Variants in TRIM10 observed in about 807,000 individuals in gnomAD.
TRIM10 encodes tripartite motif containing 10.
A neutral mutation model predicts 40.0 loss-of-function variants in TRIM10; 42 were observed. The observed-to-expected ratio is 1.05, with a 90% confidence interval of 0.82 to 1.36. The LOEUF (loss-of-function observed/expected upper bound fraction) is 1.36. Among genes scored for constraint, TRIM10 ranks in the 40% most tolerant of loss-of-function variants. The pLI is 0.00. For missense variants in TRIM10, 601 were observed against 608.3 expected (o/e 0.99, Z 0.13); for synonymous variants, 260 against 239.5 (o/e 1.09, Z -0.79).
At position 30,152,830 on chromosome 6, in the gene TRIM10, G is replaced by A. The variant is rs545329792; in HGVS notation, c.*1139C>T. 6.6e-6 allele frequency: 1 copy of A among 152,280 alleles called. No homozygotes were observed. Among genetic ancestry groups the A allele is most frequent in the African/African-American group, 2.4e-5 (1 of 41,562 alleles). The allele number at this position is 152,280 out of a possible 1,614,324, so 9.4% of individuals were successfully genotyped here. A position where few individuals can be genotyped will look rare whatever the true frequency, so the allele number is the denominator to read the frequency against. On this transcript the variant is annotated 3_prime_UTR_variant, in exon 7 of 7. Coordinates refer to ENST00000449742, the MANE Select transcript of TRIM10 (RefSeq NM_006778.4). The stretch of plus-strand genomic sequence containing the variant: ...ATGTCACTACAGTAGTCTCAATTAC[G>A]GTAGTCTCAATTCTTTAGACTAAAG...
Position 30,153,627 on chromosome 6 carries a change from C to A in TRIM10, c.*342G>T. Reference sequence around the variant, plus strand: ...GTGAGATGCCTTGTTTAAAGTCATACAACTGGTTGACAGGCTGGTTCAAGA... The same window carrying A: ...GTGAGATGCCTTGTTTAAAGTCATAAAACTGGTTGACAGGCTGGTTCAAGA... On this transcript the variant is annotated 3_prime_UTR_variant, in exon 7 of 7. Coordinates refer to ENST00000449742, the MANE Select transcript of TRIM10 (RefSeq NM_006778.4). 1 of 1,433,512 alleles carries A rather than the reference C, an allele frequency of 7.0e-7. No individual in the cohort carries two copies. Among genetic ancestry groups the A allele is most frequent in the South Asian group, 1.2e-5 (1 of 83,108 alleles). 88.8% of individuals were successfully genotyped at this position (1,433,512 alleles called of 1,614,324 possible). A position where few individuals can be genotyped will look rare whatever the true frequency, so the allele number is the denominator to read the frequency against.
chr6:30,158,581 G>A lies in TRIM10; in HGVS notation c.574C>T (p.Leu192=). 1.2e-6 allele frequency: 2 copies of A among 1,613,020 alleles called. No individual in the cohort carries two copies. The highest frequency in any genetic ancestry group is 8.5e-7 in the Non-Finnish European group (1 of 1,180,032). ...TGCTGTTCCTCTAGAAACTTCCTCA[G>A]GTGTGCGAACTCAGAAATCACCTGT... is the stretch of plus-strand genomic sequence containing the variant. The part of the protein sequence containing the change: ...RQQVISEFAH[L]RKFLEEQQSI... The change falls in exon 3 of 7, where the codon CTG becomes TTG. Residue 192 remains leucine (L), a synonymous_variant. Coordinates refer to ENST00000449742, the MANE Select transcript of TRIM10 (RefSeq NM_006778.4).
At position 30,160,462 on chromosome 6, in the gene TRIM10, G is replaced by T. The variant is rs187536778; in HGVS notation, c.397C>A (p.Arg133Ser). The T allele has an allele frequency of 5.6e-5, 90 of 1,613,918 alleles. No individual in the cohort carries two copies. The highest frequency in any genetic ancestry group is 7.3e-5 in the Non-Finnish European group (86 of 1,180,002). The change falls in exon 1 of 7, where the codon CGC (arginine) becomes AGC (serine). Residue 133 changes from arginine to serine, a missense_variant. Physicochemically the swap from Arg to Ser is moderately radical, Grantham distance 110. Transcript: ENST00000449742. Reference protein sequence around the residue: ...EAGEHATHTMRFLEDAAAPYR... With the variant: ...EAGEHATHTMSFLEDAAAPYR... ...GGAGCCGCTGCATCCTCCAGGAAGCGCATGGTGTGGGTAGCGTGCTCCCCA... is the reference window on the plus strand; with the variant it reads ...GGAGCCGCTGCATCCTCCAGGAAGCTCATGGTGTGGGTAGCGTGCTCCCCA...
Position 30,154,076 on chromosome 6 carries a change from C to A in TRIM10, c.1339G>T (p.Ala447Ser). ...YEVGWVTFTN[A>S]VTREPIYTFT... ...GTGTAGATGGGCTCTCGGGTGACAG[C>A]GTTGGTGAAGGTCACCCAGCCCACC... Residue 447 changes from alanine to serine, a missense_variant, in exon 7 of 7, where the codon GCT (alanine) becomes TCT (serine). Physicochemically the swap from Ala to Ser is moderately conservative, Grantham distance 99 (BLOSUM62 1). Transcript: ENST00000449742. 2 of 1,612,970 alleles carry A rather than the reference C, an allele frequency of 1.2e-6. No homozygotes were observed. The highest frequency in any genetic ancestry group is 1.7e-6 in the Non-Finnish European group (2 of 1,179,982).
chr6:30,157,458 T>C, intron 3 of TRIM10, 67 bp from the exon 4 acceptor site: 1 of 1,465,704 alleles, frequency 6.8e-7, no homozygotes, highest in South Asian at 1.3e-5. Context: ...TCCTTTCTTT[T>C]TCTACTTTTA....
chr6:30,158,367 C>G, intron 3 of TRIM10, 32 bp downstream of exon 3: 1 of 1,571,432 alleles, frequency 6.4e-7, no homozygotes. Context: ...CAGGACAGCA[C>G]AGGTGGGGCA....
intron 6 of TRIM10, among the ~76,000 whole-genome samples, 187 bp downstream of exon 6, chr6:30,155,540 T>C (rs1772452970): frequency 6.6e-6 from 1 of 150,514 alleles, no homozygotes; most frequent in Admixed American, 6.7e-5. Context: ...ACAACCTATA[T>C]ATACACACAT....
In TRIM10 at chr6:30,153,767, A is replaced by G. The variant is rs1179555594; in HGVS notation, c.*202T>C. 1 of 1,613,070 alleles carries G rather than the reference A, an allele frequency of 6.2e-7. No homozygotes were observed. The highest frequency in any genetic ancestry group is 2.2e-5 in the East Asian group (1 of 44,888). ...GCCTGAGTCCCCAGGTACCCTGGCC[A>G]TCCACTGGGCATTGGGGAAAGGACT... On this transcript the variant is annotated 3_prime_UTR_variant, in exon 7 of 7. Coordinates refer to ENST00000449742, the MANE Select transcript of TRIM10 (RefSeq NM_006778.4).
Position 30,157,054 on chromosome 6 carries a change from T to A in TRIM10, c.780A>T (p.Arg260Ser), listed in dbSNP as rs970629673. ...LLTDIRSTLI[R>S]CETRKCRKPV... The stretch of plus-strand genomic sequence containing the variant: ...GTTTCCGGCACTTTCTGGTTTCACA[T>A]CTAGGGGCACAGAAATGGCTGGGTC... The change falls in exon 5 of 7, where the codon AGA becomes AGT. Residue 260 changes from arginine (R) to serine (S), a missense_variant and splice_region_variant. Physicochemically the swap from Arg to Ser is moderately radical, Grantham distance 110 (BLOSUM62 -1). Coordinates refer to ENST00000449742, the MANE Select transcript of TRIM10 (RefSeq NM_006778.4). 7 of 1,612,824 alleles carry A rather than the reference T, an allele frequency of 4.3e-6. No homozygotes were observed. The highest frequency in any genetic ancestry group is 5.9e-6 in the Non-Finnish European group (7 of 1,179,860).
chr6:30,155,060 C>T (rs532264826), intron 6 of TRIM10, among the ~76,000 whole-genome samples: 1 of 152,174 alleles, frequency 6.6e-6, no homozygotes, highest in Non-Finnish European at 1.5e-5. Context: ...CTTTTTACCA[C>T]CAAAAACTGC....
intron 5 of TRIM10, chr6:30,156,657 T>G (rs1474670609): frequency 9.8e-6 from 5 of 508,708 alleles, no homozygotes; most frequent in African/African-American, 1.9e-5. Flanking sequence ...ATATTGTTAA[T>G]CATTATCTTT....
upstream of TRIM10, among the ~76,000 whole-genome samples, chr6:30,162,674 T>C (rs1349268968): frequency 6.6e-6 from 1 of 152,172 alleles, no homozygotes; most frequent in Non-Finnish European, 1.5e-5. Context: ...ACTGGGATCG[T>C]CCTTAACGTG....
Position 30,152,077 on chromosome 6 carries a change from G to A in TRIM10, c.*1892C>T, listed in dbSNP as rs938231942. The A allele has an allele frequency of 6.6e-6, 1 of 152,128 alleles. No homozygotes were observed. The highest frequency in any genetic ancestry group is 2.4e-5 in the African/African-American group (1 of 41,428). 9.4% of individuals were successfully genotyped at this position (152,128 alleles called of 1,614,324 possible). ...ATATAAATTGTATTTCTGAATCCAAGTCACCTGTGGGGGTGTAGCCAGCAT... is the reference window on the plus strand; with the variant it reads ...ATATAAATTGTATTTCTGAATCCAAATCACCTGTGGGGGTGTAGCCAGCAT... On this transcript the variant is annotated 3_prime_UTR_variant, in exon 7 of 7. Coordinates refer to ENST00000449742, the MANE Select transcript of TRIM10 (RefSeq NM_006778.4).
At chr6:30,161,960 A>T (rs938766005), upstream of TRIM10, among the ~76,000 whole-genome samples, 1 of 152,246 alleles carries the variant, frequency 6.6e-6, no homozygotes, top group East Asian at 1.9e-4. Context: ...TTACATTTTT[A>T]AATTTGTGAA....
chr6:30,152,271 T>A lies in TRIM10; in HGVS notation c.*1698A>T, dbSNP rs1772078871. ...AAAGCTCCCGAGCTGCAAGCCAGGA[T>A]CTTCATACACATACATTTTAGAGGA... On this transcript the variant is annotated 3_prime_UTR_variant, in exon 7 of 7. Coordinates refer to ENST00000449742, the MANE Select transcript of TRIM10 (RefSeq NM_006778.4). 1 of 152,192 alleles carries A rather than the reference T, an allele frequency of 6.6e-6. No individual in the cohort carries two copies. The highest frequency in any genetic ancestry group is 1.5e-5 in the Non-Finnish European group (1 of 68,036). 9.4% of individuals were successfully genotyped at this position (152,192 alleles called of 1,614,324 possible).
At position 30,154,004 on chromosome 6, in the gene TRIM10, A is replaced by G; in HGVS notation, c.1411T>C (p.Trp471Arg). 1 of 1,606,832 alleles carries G rather than the reference A, an allele frequency of 6.2e-7. No homozygotes were observed. The highest frequency in any genetic ancestry group is 8.5e-7 in the Non-Finnish European group (1 of 1,174,930). Residue 471 changes from tryptophan to arginine, a missense_variant, in exon 7 of 7, where the codon TGG (tryptophan) becomes CGG (arginine). Physicochemically the swap from Trp to Arg is moderately radical, Grantham distance 101. Transcript: ENST00000449742. ...AGGGAGAAACTGGACCCTCGGCCCC[A>G]GAGCCCAAAGAAGGGAATGACCTTC... The part of the protein sequence containing the change: ...TRKVIPFFGL[W>R]GRGSSFSLSS
rs750615347 is a variant in TRIM10, at chr6:30,158,547, A to T, written c.608T>A (p.Leu203His). 5 of 1,612,956 alleles carry T rather than the reference A, an allele frequency of 3.1e-6. No homozygotes were observed. The South Asian group carries it at 5.5e-5, about 18-fold the overall frequency. ...ATCCTGGCTCTCCAATTGTGCTAAG[A>T]GGATGCTCTGCTGTTCCTCTAGAAA... ...RKFLEEQQSI[L>H]LAQLESQDGD... is the part of the protein sequence containing the mutation. The change falls in exon 3 of 7, where the codon CTC (leucine) becomes CAC (histidine). Residue 203 changes from leucine (L) to histidine (H), a missense_variant. Transcript: ENST00000449742.
rs1469631434 is a variant in TRIM10 at position 30,154,075 on chromosome 6, G to A, written c.1340C>T (p.Ala447Val). ...GGTGTAGATGGGCTCTCGGGTGACA[G>A]CGTTGGTGAAGGTCACCCAGCCCAC... The part of the protein sequence containing the change: ...YEVGWVTFTN[A>V]VTREPIYTFT... Residue 447 changes from alanine (A) to valine (V), a missense_variant, in exon 7 of 7, where the codon GCT (alanine) becomes GTT (valine). Transcript: ENST00000449742. 3.1e-6 allele frequency: 5 copies of A among 1,612,390 alleles called. No homozygotes were observed. The Admixed American group carries it at 8.3e-5, about 27-fold the overall frequency.
rs1458718008 is a variant in TRIM10 at position 30,153,455 on chromosome 6, T to A, written c.*514A>T. ...CTGTCTTCCCAAGAGCTCTTTCAGA[T>A]ATAGAGCAGGTTTTTTTTTTCTCTA... On this transcript the variant is annotated 3_prime_UTR_variant, in exon 7 of 7. Coordinates refer to ENST00000449742, the MANE Select transcript of TRIM10 (RefSeq NM_006778.4). 1.8e-6 allele frequency: 1 copy of A among 552,940 alleles called. No individual in the cohort carries two copies. Among genetic ancestry groups the A allele is most frequent in the Non-Finnish European group, 3.2e-6 (1 of 311,372 alleles). The allele number at this position is 552,940 out of a possible 1,614,324, so 34.3% of individuals were successfully genotyped here. A position where few individuals can be genotyped will look rare whatever the true frequency, so the allele number is the denominator to read the frequency against.
Sources: gnomAD v4.1 joint callset for allele counts (sites outside exome capture counted in the v4.1 genomes callset) on GRCh38, gnomAD v4.1.1 for gene constraint, MANE v1.5 for transcripts, NCBI Gene and HGNC (gene_info 2026-07-23, HGNC 2026-07-21) for gene names.